The following CIB4 variants were observed in gnomAD, a reference collection of about 807,000 sequenced individuals.
CIB4 encodes the protein calcium and integrin binding family member 4.
A neutral mutation model predicts 25.8 loss-of-function variants in CIB4; 25 were observed. The observed-to-expected ratio is 0.97, with a 90% CI of 0.71 to 1.35. CIB4 has a LOEUF of 1.35. Ranked by LOEUF, CIB4 falls within the 40% of genes most tolerant of loss-of-function variation. The probability of loss-of-function intolerance (pLI) is 0.00; values close to 1 mark genes in which losing one functional copy is unlikely to be tolerated. For synonymous variants in CIB4, 75 were observed against 81.4 expected (o/e 0.92, Z 0.42); for missense variants, 235 against 228.2 (o/e 1.03, Z -0.19).
At position 26,583,877 on chromosome 2, in the gene CIB4, A is replaced by G. The variant is rs774551970; in HGVS notation, c.350T>C (p.Ile117Thr). 1.3e-5 allele frequency: 21 copies of G among 1,611,968 alleles called. No homozygotes were observed. In the South Asian group the frequency reaches 1.9e-4, roughly 14 times the overall value. The change falls in exon 5 of 7, where the codon ATT becomes ACT. Residue 117 changes from isoleucine to threonine, a missense_variant. Transcript: ENST00000288861. ...RIYDFNENGF[I>T]DEEDLQRIIL... ...GATCCTCTGCAGATCCTCCTCATCA[A>G]TGAAGCCATTCTCATTAAAATCTGC...
chr2:26,601,231 A>AATATATATATAT (rs1165155834), intron 3 of CIB4, among the ~76,000 whole-genome samples: 3 of 17,226 alleles, frequency 1.7e-4, no homozygotes, highest in African/African-American at 3.0e-4. Context: ...AAAAAAAAAA[A>AATATATATATAT]ATATATATAT....
intron 3 of CIB4, among the ~76,000 whole-genome samples, chr2:26,596,008 C>T (rs1668676538): frequency 6.6e-6 from 1 of 152,164 alleles, no homozygotes; most frequent in African/African-American, 2.4e-5. Flanking sequence ...TATGACACAA[C>T]ATGTGAGCAC....
At chr2:26,641,040 A>G (rs765407679) in intron 1 of CIB4, among the ~76,000 whole-genome samples, 59 of 152,150 alleles carry the variant, frequency 3.9e-4, no homozygotes, top group Non-Finnish European at 1.8e-4. Flanking sequence ...TTCTTAAAAC[A>G]TTATCAGATT....
intron 6 of CIB4, 39 bp from the exon 7 acceptor site, chr2:26,581,432 G>A (rs371235278): frequency 4.7e-5 from 75 of 1,609,296 alleles, no homozygotes; most frequent in Non-Finnish European, 6.0e-5. Flanking sequence ...GAGCCCGCAG[G>A]TCCAAGGGGC....
At chr2:26,637,066 GTGGCCCTGAGTCAGGGGCCTGTC>G (rs1181646088) in intron 2 of CIB4, among the ~76,000 whole-genome samples, 1 of 152,162 alleles carries the variant, frequency 6.6e-6, no homozygotes, top group East Asian at 1.9e-4. Context: ...CATCATGCTG[GTGGCCCTGAGTCAGGGGCCTGTC>G]TGGCTCCAGC....
rs867102505 is a variant in CIB4, at chr2:26,583,856, C to T, written c.371G>A (p.Arg124Lys). Residue 124 changes from arginine (R) to lysine (K), a missense_variant, in exon 5 of 7, where the codon AGG (arginine) becomes AAG (lysine). Arg to Lys is a conservative substitution (Grantham distance 26, BLOSUM62 2). Coordinates refer to ENST00000288861, the MANE Select transcript of CIB4 (RefSeq NM_001029881.3). ...NGFIDEEDLQ[R>K]IILRLLNSDD... is the part of the protein sequence containing the mutation. ...ACTGTTCAGCAGTCGCAGGATGATC[C>T]TCTGCAGATCCTCCTCATCAATGAA... 1 of 1,613,082 alleles carries T rather than the reference C, an allele frequency of 6.2e-7. No individual in the cohort carries two copies. Among genetic ancestry groups the T allele is most frequent in the Admixed American group, 1.7e-5 (1 of 60,008 alleles).
At chr2:26,588,741 C>T (rs1178628120) in intron 4 of CIB4, among the ~76,000 whole-genome samples, 2 of 152,204 alleles carry the variant, frequency 1.3e-5, no homozygotes, top group Non-Finnish European at 2.9e-5. Context: ...GCCAAAGGTG[C>T]TCCGGTACCT....
At chr2:26,626,391 AG>A (rs1250261751) in intron 3 of CIB4, among the ~76,000 whole-genome samples, 5 of 112,040 alleles carry the variant, frequency 4.5e-5, no homozygotes, top group Non-Finnish European at 9.1e-5. Flanking sequence ...AGAAAAAAAA[AG>A]CAACATACAA....
chr2:26,610,551 G>A (rs564881326), intron 3 of CIB4, among the ~76,000 whole-genome samples: 1 of 152,270 alleles, frequency 6.6e-6, no homozygotes, highest in South Asian at 2.1e-4. Context: ...ATAGTATCAG[G>A]CTGCCCTTGC....
chr2:26,600,105 T>C (rs1318742291), intron 3 of CIB4, among the ~76,000 whole-genome samples: 2 of 138,006 alleles, frequency 1.4e-5, no homozygotes, highest in African/African-American at 5.7e-5. Context: ...TTAATGTTTA[T>C]TGACTGGGCG....
intron 3 of CIB4, among the ~76,000 whole-genome samples, chr2:26,598,512 G>GCAACTGGGCT (rs1317480764): frequency 6.6e-6 from 1 of 152,168 alleles, no homozygotes; most frequent in Non-Finnish European, 1.5e-5. Flanking sequence ...TTGGGAAACA[G>GCAACTGGGCT]TGAGGAATCC....
chr2:26,628,122 T>A (rs1400708527), intron 3 of CIB4, among the ~76,000 whole-genome samples: 2 of 152,226 alleles, frequency 1.3e-5, no homozygotes, highest in African/African-American at 4.8e-5. Flanking sequence ...TAGCCATGAT[T>A]TGTTAACGTG....
In CIB4 at chr2:26,627,817, T is replaced by G. The variant is rs182657067; in HGVS notation, c.186+1593A>C. ...TGTCTTCTCCACTCCTGCCTCTATT[T>G]CAAGACCCAGCTTTGTGCATTTTCC... On this transcript the variant is annotated intron_variant, in intron 3 of 6. Transcript: ENST00000288861. The surrounding 1 kb of genome is among the most constrained non-coding windows in gnomAD (Gnocchi z 4.0). 6.6e-6 allele frequency among the ~76,000 whole-genome samples: 1 copy of G among 152,222 alleles called. No individual in the cohort carries two copies. The highest frequency in any genetic ancestry group is 1.5e-5 in the Non-Finnish European group (1 of 68,012).
rs1669337716 is a variant in CIB4 at position 26,627,842 on chromosome 2, C to T, written c.186+1568G>A. 6.6e-6 allele frequency among the ~76,000 whole-genome samples: 1 copy of T among 152,010 alleles called. No individual in the cohort carries two copies. Among genetic ancestry groups the T allele is most frequent in the South Asian group, 2.1e-4 (1 of 4,804 alleles). ...TCAAGACCCAGCTTTGTGCATTTTCCTCTGTCTCTGTCTGCCCTACAGATA... is the reference window on the plus strand; with the variant it reads ...TCAAGACCCAGCTTTGTGCATTTTCTTCTGTCTCTGTCTGCCCTACAGATA... On this transcript the variant is annotated intron_variant, in intron 3 of 6. Coordinates refer to ENST00000288861, the MANE Select transcript of CIB4 (RefSeq NM_001029881.3). This position sits in a 1 kb window ranked among gnomAD's most constrained non-coding sequence, Gnocchi z 4.0.
chr2:26,597,697 G>A (rs1668706448), intron 3 of CIB4, among the ~76,000 whole-genome samples: 3 of 152,062 alleles, frequency 2.0e-5, no homozygotes, highest in Admixed American at 1.3e-4. Flanking sequence ...AGTAGTAAAT[G>A]TATACAGTTT....
intron 2 of CIB4, among the ~76,000 whole-genome samples, chr2:26,639,879 T>C (rs1669602734): frequency 6.6e-6 from 1 of 152,142 alleles, no homozygotes; most frequent in Non-Finnish European, 1.5e-5. Flanking sequence ...ACAGGTTTTG[T>C]TGGGCACCTG....
intron 5 of CIB4, among the ~76,000 whole-genome samples, 157 bp from the exon 6 acceptor site, chr2:26,583,070 G>A (rs1012217168): frequency 6.6e-6 from 1 of 152,128 alleles, no homozygotes; most frequent in African/African-American, 2.4e-5. Context: ...ACAGAGATTA[G>A]GTTATGTGCA....
intron 3 of CIB4, among the ~76,000 whole-genome samples, chr2:26,621,910 G>A (rs1308226941): frequency 1.3e-5 from 2 of 152,206 alleles, no homozygotes; most frequent in Admixed American, 1.3e-4. Context: ...TTAGAAGATT[G>A]GCAGAGGTTT....
intron 3 of CIB4, among the ~76,000 whole-genome samples, chr2:26,612,577 T>G (rs1268659925): frequency 1.3e-5 from 2 of 151,860 alleles, no homozygotes; most frequent in East Asian, 3.9e-4. Context: ...AGGAAGGGAC[T>G]CAAGAAGTGG....
Sources: gnomAD v4.1 joint callset for allele counts (sites outside exome capture counted in the v4.1 genomes callset) on GRCh38, gnomAD v4.1.1 for gene constraint, Gnocchi (gnomAD v3.1) non-coding constraint, MANE v1.5 for transcripts, NCBI Gene and HGNC (gene_info 2026-07-23, HGNC 2026-07-21) for gene names.